AFAP1: variants seen among roughly 807,000 people sequenced by gnomAD.
AFAP1 encodes actin filament associated protein 1, also known as actin filament-associated protein 1.
AFAP1 carries 75 observed loss-of-function variants against 93.9 expected under a neutral mutation model. The ratio of observed to expected loss-of-function variants is 0.80; its 90% CI spans 0.66 to 0.97. The LOEUF is 0.97. AFAP1 is among the 50% of genes least tolerant of loss of function. The pLI is 0.00. For synonymous variants in AFAP1, 517 were observed against 430.7 expected (o/e 1.20, Z -2.48); for missense variants, 1,201 against 1,050.8 (o/e 1.14, Z -1.98).
chr4:7,864,925 C>T (rs1716233863), intron 3 of AFAP1, among the ~76,000 whole-genome samples: 1 of 152,176 alleles, frequency 6.6e-6, no homozygotes, highest in East Asian at 1.9e-4. Flanking sequence ...CTGCAGTGAG[C>T]TATGATCGTG....
intron 1 of AFAP1, among the ~76,000 whole-genome samples, chr4:7,922,763 T>G (rs1008199897): frequency 6.6e-6 from 1 of 152,200 alleles, no homozygotes; most frequent in Admixed American, 6.5e-5. Flanking sequence ...GTGAGAGGAC[T>G]GCTTGAGGCC....
chr4:7,936,026 C>A (rs928789154), intron 1 of AFAP1, among the ~76,000 whole-genome samples: 1 of 152,124 alleles, frequency 6.6e-6, no homozygotes, highest in Admixed American at 6.6e-5. Context: ...ATCACATTCC[C>A]CAAAAGAACA....
At chr4:7,921,644 G>A (rs777218754) in intron 1 of AFAP1, among the ~76,000 whole-genome samples, 17 of 152,182 alleles carry the variant, frequency 1.1e-4, no homozygotes, top group Admixed American at 4.6e-4. Context: ...TTTAAAATGC[G>A]CAGAACCTTG....
In AFAP1 at chr4:7,919,717, G is replaced by A; in HGVS notation, c.-3+19939C>T. Among the ~76,000 whole-genome samples the A allele has an allele frequency of 1.3e-5, 2 of 152,002 alleles. 1 individual carries two copies. The highest frequency in any genetic ancestry group is 2.9e-5 in the Non-Finnish European group (2 of 68,002). On this transcript the variant is annotated intron_variant, in intron 1 of 17. Transcript: ENST00000420658. Reference sequence around the variant, plus strand: ...AGGTAAATGTGTGCCATGGTGGTTTGCTGCACCTATCAACCCATCACCTAG... The same window carrying A: ...AGGTAAATGTGTGCCATGGTGGTTTACTGCACCTATCAACCCATCACCTAG...
chr4:7,785,628 C>T (rs1322373392), intron 12 of AFAP1, among the ~76,000 whole-genome samples: 1 of 152,204 alleles, frequency 6.6e-6, no homozygotes, highest in African/African-American at 2.4e-5. Flanking sequence ...AGTGGGCTGA[C>T]ACATTTAATT....
Position 7,816,055 on chromosome 4 carries a change from C to G in AFAP1, c.867G>C (p.Val289=), listed in dbSNP as rs746184959. 4 of 1,612,916 alleles carry G rather than the reference C, an allele frequency of 2.5e-6. No individual in the cohort carries two copies. The highest frequency in any genetic ancestry group is 1.6e-4 in the Middle Eastern group (1 of 6,062). ...ERPSSDGEGV[V]ENGITTCNGK... is the part of the protein sequence containing the mutation. Reference sequence around the variant, plus strand: ...CATTACATGTGGTAATTCCATTTTCCACAACACCCTCCCCATCTGAGCTGG... The same window carrying G: ...CATTACATGTGGTAATTCCATTTTCGACAACACCCTCCCCATCTGAGCTGG... Residue 289 remains valine, a synonymous_variant, in exon 8 of 18, where the codon GTG becomes GTC. Transcript: ENST00000420658.
chr4:7,769,998 C>A (rs1338464903), intron 16 of AFAP1, among the ~76,000 whole-genome samples: 6 of 152,164 alleles, frequency 3.9e-5, no homozygotes, highest in African/African-American at 1.4e-4. Flanking sequence ...GGGCAGGTGA[C>A]CCAAAGACCT....
chr4:7,905,340 A>G (rs1240117193), intron 1 of AFAP1, among the ~76,000 whole-genome samples: 1 of 152,262 alleles, frequency 6.6e-6, no homozygotes, highest in African/African-American at 2.4e-5. Context: ...ATCCCATAAA[A>G]TTAGTGTTAT....
chr4:7,804,807 A>T (rs954582707), intron 9 of AFAP1, among the ~76,000 whole-genome samples: 3 of 152,178 alleles, frequency 2.0e-5, no homozygotes, highest in African/African-American at 7.2e-5. Context: ...GTAACTGTTC[A>T]TTATATCTTA....
At chr4:7,767,205 G>T (rs999897237) in intron 17 of AFAP1, among the ~76,000 whole-genome samples, 1 of 152,154 alleles carries the variant, frequency 6.6e-6, no homozygotes, top group Non-Finnish European at 1.5e-5. Flanking sequence ...CCTATCAGTG[G>T]GGACCCATCT....
chr4:7,833,492 T>C (rs1711878793), intron 6 of AFAP1, among the ~76,000 whole-genome samples: 1 of 151,878 alleles, frequency 6.6e-6, no homozygotes, highest in Non-Finnish European at 1.5e-5. Context: ...CAAAAAATAG[T>C]AGATGTTGGT....
chr4:7,868,773 T>A, intron 2 of AFAP1, 54 bp from the exon 3 acceptor site: 1 of 1,492,968 alleles, frequency 6.7e-7, no homozygotes, highest in South Asian at 1.1e-5. Context: ...ATGAGAAGGG[T>A]ACCACTAGCA....
At chr4:7,866,734 A>G (rs1384909818) in intron 3 of AFAP1, among the ~76,000 whole-genome samples, 2 of 152,074 alleles carry the variant, frequency 1.3e-5, no homozygotes, top group African/African-American at 2.4e-5. Flanking sequence ...ATATCACATT[A>G]TATCTAAAAA....
intron 1 of AFAP1, among the ~76,000 whole-genome samples, chr4:7,927,315 G>C (rs950623413): frequency 6.6e-6 from 1 of 152,142 alleles, no homozygotes; most frequent in African/African-American, 2.4e-5. Flanking sequence ...CAGCTGTCCG[G>C]GTTCAAACCT....
intron 9 of AFAP1, among the ~76,000 whole-genome samples, chr4:7,808,357 C>A (rs558365816): frequency 6.6e-6 from 1 of 152,140 alleles, no homozygotes; most frequent in Admixed American, 6.5e-5. Context: ...GATCCTCTCA[C>A]GGCCTCTTGG....
intron 11 of AFAP1, chr4:7,788,891 C>T (rs1717570167): frequency 1.3e-5 from 2 of 152,434 alleles, no homozygotes; most frequent in African/African-American, 4.8e-5. Flanking sequence ...CCAGCATATG[C>T]CCTGCACTCA....
rs576927449 is a variant in AFAP1 at position 7,856,389 on chromosome 4, C to T, written c.226-815G>A. ...TCCCAAGTAACTGGGACTACAGGCGCCCACCACCACACCCGGCTAATTTTT... is the reference window on the plus strand; with the variant it reads ...TCCCAAGTAACTGGGACTACAGGCGTCCACCACCACACCCGGCTAATTTTT... On this transcript the variant is annotated intron_variant, in intron 3 of 17. Coordinates refer to ENST00000420658, the MANE Select transcript of AFAP1 (RefSeq NM_001134647.2). Among the ~76,000 whole-genome samples the T allele has an allele frequency of 6.3e-4, 96 of 152,062 alleles. 1 individual carries two copies. The highest frequency in any genetic ancestry group is 2.2e-3 in the African/African-American group (92 of 41,460).
intron 3 of AFAP1, chr4:7,862,359 T>C (rs1715810210): frequency 1.5e-5 from 2 of 129,780 alleles, no homozygotes; most frequent in Non-Finnish European, 3.2e-5. Flanking sequence ...AACTTCACGA[T>C]TTCCTAGAGA....
At chr4:7,796,428 C>T (rs976590049) in intron 10 of AFAP1, among the ~76,000 whole-genome samples, 23 of 152,136 alleles carry the variant, frequency 1.5e-4, no homozygotes, top group Admixed American at 1.5e-3. Context: ...TAAGTCACGA[C>T]AGTAAAGGAT....
Sources: allele counts gnomAD v4.1 joint callset (sites outside exome capture counted in the v4.1 genomes callset), GRCh38; gene constraint gnomAD v4.1.1; transcripts MANE v1.5; gene names NCBI Gene and HGNC (gene_info 2026-07-23, HGNC 2026-07-21).